DYSF: variants seen among roughly 807,000 people sequenced by gnomAD.
The protein encoded by DYSF is dysferlin.
DYSF carries 212 observed loss-of-function variants against 274.9 expected under a neutral mutation model. The observed-to-expected ratio is 0.77, with a 90% CI of 0.69 to 0.86. DYSF has a LOEUF of 0.86. Ranked by LOEUF, DYSF falls within the 40% of genes least tolerant of loss-of-function variation. DYSF has a pLI of 0.00. For missense variants in DYSF, 2,666 were observed against 2,783.2 expected, an observed-to-expected ratio of 0.96 and a Z score of 0.95; for synonymous variants, 1,091 against 1,078.7, an observed-to-expected ratio of 1.01 and a Z score of -0.22.
chr2:71,542,827 C>T (rs1559116878), intron 17 of DYSF, among the ~76,000 whole-genome samples: 2 of 152,396 alleles, frequency 1.3e-5, no homozygotes, highest in East Asian at 3.9e-4. Flanking sequence ...CACATTTCCT[C>T]CCTTTCTACT....
At chr2:71,631,640 G>T (rs1437215574) in intron 41 of DYSF, among the ~76,000 whole-genome samples, 1 of 152,166 alleles carries the variant, frequency 6.6e-6, no homozygotes, top group Non-Finnish European at 1.5e-5. Context: ...AATCAGGGCC[G>T]AAATCTGTTA....
rs536894321 is a variant in DYSF, at chr2:71,601,449, G to C, written c.3898-50G>C. 6 of 1,612,648 alleles carry C rather than the reference G, an allele frequency of 3.7e-6. 1 individual carries two copies. The South Asian group carries it at 4.4e-5, about 12-fold the overall frequency. On this transcript the variant is annotated intron_variant, in intron 34 of 55. Transcript: ENST00000410020. ...TCCATGAGTGTCATGAGGGTGATGGGGGCCTTAGGTGACAAGCACATGACC... is the reference window on the plus strand; with the variant it reads ...TCCATGAGTGTCATGAGGGTGATGGCGGCCTTAGGTGACAAGCACATGACC...
chr2:71,466,830 G>A lies in DYSF; in HGVS notation c.-13G>A. 8.6e-6 allele frequency: 13 copies of A among 1,510,092 alleles called. No individual in the cohort carries two copies. Among genetic ancestry groups the A allele is most frequent in the Non-Finnish European group, 1.2e-5 (13 of 1,116,656 alleles). The allele number at this position is 1,510,092 out of a possible 1,614,324, so 93.5% of individuals were successfully genotyped here. On this transcript the variant is annotated 5_prime_UTR_variant, in exon 1 of 56. Coordinates refer to ENST00000410020, the MANE Select transcript of DYSF (RefSeq NM_001130987.2). ...CTGACTGCGCGCCTGTGTGCCGCCG[G>A]GGCTGCCCAGCCATGCTGTGCTGCC... is the stretch of plus-strand genomic sequence containing the variant.
At chr2:71,634,172 G>C (rs2094358122) in intron 41 of DYSF, among the ~76,000 whole-genome samples, 1 of 152,192 alleles carries the variant, frequency 6.6e-6, no homozygotes, top group South Asian at 2.1e-4. Flanking sequence ...CTTGAGCATG[G>C]GGGAGTGGTG....
In DYSF at chr2:71,620,537, T is replaced by G; in HGVS notation, c.4465-10T>G. 6.4e-7 allele frequency: 1 copy of G among 1,551,724 alleles called. No homozygotes were observed. The highest frequency in any genetic ancestry group is 8.7e-7 in the Non-Finnish European group (1 of 1,147,002). On this transcript the variant is annotated splice_polypyrimidine_tract_variant and intron_variant, in intron 40 of 55. Coordinates refer to ENST00000410020, the MANE Select transcript of DYSF (RefSeq NM_001130987.2). ...TAATCCTGTTGCTAACCAGCATGTT[T>G]CATTTGTAGCTTGCAGACGGTCTGT...
intron 41 of DYSF, among the ~76,000 whole-genome samples, chr2:71,639,586 G>A (rs1052645681): frequency 6.6e-6 from 1 of 152,112 alleles, no homozygotes; most frequent in Non-Finnish European, 1.5e-5. Context: ...TTTAGGTTGT[G>A]TAATGTTTAA....
intron 9 of DYSF, 53 bp from the exon 10 acceptor site, chr2:71,516,936 G>T: frequency 6.4e-7 from 1 of 1,565,284 alleles, no homozygotes; most frequent in Non-Finnish European, 8.8e-7. Context: ...TGGGTTGGCC[G>T]TGTGGGCCAC....
intron 5 of DYSF, among the ~76,000 whole-genome samples, 198 bp downstream of exon 5, chr2:71,512,119 G>A (rs1213018474): frequency 6.6e-6 from 1 of 152,234 alleles, no homozygotes; most frequent in Non-Finnish European, 1.5e-5. Flanking sequence ...AGAAAGAAGG[G>A]GCAGCAGGCA....
chr2:71,453,936 C>A, exon 1 of DYSF: 1 of 1,554,250 alleles, frequency 6.4e-7, no homozygotes, highest in Non-Finnish European at 8.9e-7. Flanking sequence ...GGCGCCTCGG[C>A]CCTCCCGACC....
At chr2:71,572,385 A>T (rs1413235214) in intron 29 of DYSF, among the ~76,000 whole-genome samples, 1 of 152,224 alleles carries the variant, frequency 6.6e-6, no homozygotes, top group Non-Finnish European at 1.5e-5. Flanking sequence ...ACAGATGCTT[A>T]TAGACAGACA....
Position 71,612,640 on chromosome 2 carries a change from G to T in DYSF, c.4222-1G>T, listed in dbSNP as rs1342459806. On this transcript the variant is annotated splice_acceptor_variant, in intron 38 of 55. Transcript: ENST00000410020. LOFTEE classifies it high-confidence loss of function. ...CAGTGCGTTCTTCCTCCTCCACCCA[G>T]ATGCTGCCCAGGGAGGAGCTCTACT... The T allele has an allele frequency of 6.2e-7, 1 of 1,613,972 alleles. No individual in the cohort carries two copies. The highest frequency in any genetic ancestry group is 1.7e-5 in the Admixed American group (1 of 59,998).
At chr2:71,668,915 A>G (rs2095067385) in intron 49 of DYSF, 73 bp downstream of exon 49, 4 of 1,500,902 alleles carry the variant, frequency 2.7e-6, no homozygotes, top group Non-Finnish European at 3.7e-6. Flanking sequence ...GGGCGGGACT[A>G]GGCGGTTGCT....
intron 22 of DYSF, among the ~76,000 whole-genome samples, chr2:71,558,541 C>T (rs760569990): frequency 1.6e-4 from 25 of 152,324 alleles, no homozygotes; most frequent in South Asian, 4.1e-4. Flanking sequence ...GGGTTCTACC[C>T]GTGGCCCTGC....
intron 36 of DYSF, among the ~76,000 whole-genome samples, chr2:71,610,532 A>T (rs991373460): frequency 2.0e-5 from 3 of 152,130 alleles, no homozygotes; most frequent in African/African-American, 4.8e-5. Context: ...ATCATTGAGG[A>T]TTCCTGCCCA....
At chr2:71,482,007 G>C in intron 3 of DYSF, 37 bp downstream of exon 3, 1 of 1,550,480 alleles carries the variant, frequency 6.4e-7, no homozygotes, top group Non-Finnish European at 8.9e-7. Flanking sequence ...ATGGCTTGAA[G>C]GTGCAGGTAG....
chr2:71,520,708 A>C, intron 11 of DYSF, 81 bp from the exon 12 acceptor site: 1 of 1,195,698 alleles, frequency 8.4e-7, no homozygotes, highest in Non-Finnish European at 1.2e-6. Flanking sequence ...TCCCCTGTGC[A>C]GTCCATCCTG....
intron 22 of DYSF, among the ~76,000 whole-genome samples, chr2:71,556,770 T>C (rs926896454): frequency 6.6e-6 from 1 of 152,248 alleles, no homozygotes; most frequent in African/African-American, 2.4e-5. Context: ...GCTTCTCTTC[T>C]CTGGACTTTA....
At chr2:71,588,059 G>A (rs2093131243) in intron 30 of DYSF, among the ~76,000 whole-genome samples, 1 of 152,206 alleles carries the variant, frequency 6.6e-6, no homozygotes, top group Non-Finnish European at 1.5e-5. Flanking sequence ...GGGAGGCCTG[G>A]GATGGTTGAC....
chr2:71,526,416 G>GGC, intron 13 of DYSF, 70 bp downstream of exon 13: 1 of 513,690 alleles, frequency 1.9e-6, no homozygotes. Context: ...GGGGGTGGGC[G>GGC]ATGGCGGGCG....
Sources: gnomAD v4.1 joint callset for allele counts (sites outside exome capture counted in the v4.1 genomes callset) on GRCh38, gnomAD v4.1.1 for gene constraint, MANE v1.5 for transcripts, NCBI Gene and HGNC (gene_info 2026-07-23, HGNC 2026-07-21) for gene names.